Variants in OPCML observed in about 807,000 individuals in gnomAD.
OPCML encodes opioid-binding protein/cell adhesion molecule.
Under a neutral mutation model 37.8 loss-of-function variants are expected in OPCML, and 13 were observed. That is an observed-to-expected ratio of 0.34 (90% CI 0.22 to 0.55). The LOEUF (loss-of-function observed/expected upper bound fraction) is 0.55, where lower values mean the gene tolerates loss of function less well. Ranked by LOEUF, OPCML falls within the 20% of genes least tolerant of loss-of-function variation. The probability of loss-of-function intolerance (pLI) is 0.91; values close to 1 mark genes in which losing one functional copy is unlikely to be tolerated. For missense variants in OPCML, 341 were observed against 435.6 expected (o/e 0.78, Z 1.93); for synonymous variants, 176 against 168.8 (o/e 1.04, Z -0.33).
intron 1 of OPCML, among the ~76,000 whole-genome samples, chr11:132,982,315 A>G (rs143608404): frequency 1.2e-3 from 178 of 149,212 alleles, no homozygotes; most frequent in Non-Finnish European, 1.7e-3. Context: ...CTCTCCTTTG[A>G]ACACCTCTAC....
intron 1 of OPCML, among the ~76,000 whole-genome samples, chr11:133,260,739 C>T (rs1384908933): frequency 1.3e-5 from 2 of 152,166 alleles, no homozygotes; most frequent in Non-Finnish European, 2.9e-5. Flanking sequence ...ACAGAAATTT[C>T]AGCCTGAGCT....
intron 2 of OPCML, among the ~76,000 whole-genome samples, chr11:132,718,975 G>C (rs1488616814): frequency 6.6e-6 from 1 of 152,180 alleles, no homozygotes; most frequent in Admixed American, 6.5e-5. Context: ...ATGGCTTTAC[G>C]GTCAATCGTG....
At chr11:132,961,890 G>C (rs1038758626) in intron 1 of OPCML, among the ~76,000 whole-genome samples, 2 of 152,180 alleles carry the variant, frequency 1.3e-5, no homozygotes, top group Admixed American at 6.5e-5. Flanking sequence ...CTAAGGTCAG[G>C]CTCAGAAATT....
chr11:133,214,969 A>C (rs1592111631), intron 1 of OPCML, among the ~76,000 whole-genome samples: 1 of 152,294 alleles, frequency 6.6e-6, no homozygotes, highest in East Asian at 1.9e-4. Context: ...CAGAAACTCA[A>C]ACTTCTATGA....
intron 1 of OPCML, among the ~76,000 whole-genome samples, chr11:133,350,913 T>C (rs1944122051): frequency 6.6e-6 from 1 of 152,234 alleles, no homozygotes; most frequent in South Asian, 2.1e-4. Context: ...GTATAAGGCA[T>C]AGAGAGTTGG....
At chr11:133,476,762 G>A (rs188885984) in intron 1 of OPCML, among the ~76,000 whole-genome samples, 3 of 152,302 alleles carry the variant, frequency 2.0e-5, no homozygotes, top group Admixed American at 1.3e-4. Flanking sequence ...GCAGTGAGAA[G>A]CACCCCGGAG....
intron 1 of OPCML, among the ~76,000 whole-genome samples, chr11:133,064,478 G>A (rs1185664578): frequency 6.6e-6 from 1 of 152,212 alleles, no homozygotes; most frequent in Non-Finnish European, 1.5e-5. Context: ...AATGGGAGAA[G>A]GGACGGCCAG....
intron 1 of OPCML, among the ~76,000 whole-genome samples, chr11:133,105,584 G>T (rs189287484): frequency 3.9e-5 from 6 of 152,280 alleles, no homozygotes; most frequent in African/African-American, 1.4e-4. Flanking sequence ...CATTCAGAAT[G>T]AAAGTATTAA....
intron 2 of OPCML, among the ~76,000 whole-genome samples, chr11:132,813,632 G>T (rs1263276993): frequency 6.6e-6 from 1 of 152,130 alleles, no homozygotes; most frequent in Non-Finnish European, 1.5e-5. Flanking sequence ...GCAGCACTGT[G>T]CATCCCCAGC....
At chr11:133,464,052 G>T (rs2136991740) in intron 1 of OPCML, among the ~76,000 whole-genome samples, 1 of 145,942 alleles carries the variant, frequency 6.9e-6, no homozygotes, top group Non-Finnish European at 1.5e-5. Context: ...TTTATCTGTT[G>T]GGAATATAGA....
intron 1 of OPCML, among the ~76,000 whole-genome samples, chr11:133,508,671 A>G (rs1948090800): frequency 6.6e-6 from 1 of 152,202 alleles, no homozygotes; most frequent in South Asian, 2.1e-4. Flanking sequence ...GAAGAATGCA[A>G]GTAATTGTGA....
At position 133,502,378 on chromosome 11, in the gene OPCML, A is replaced by G. The variant is rs1947935657; in HGVS notation, c.61+29886T>C. On this transcript the variant is annotated intron_variant, in intron 1 of 7. Coordinates refer to ENST00000524381, the MANE Select transcript of OPCML (RefSeq NM_001012393.5). ...TGGCCGAGGCAGGGTGACGCAGTCC[A>G]TGCTGTTCTCGTACACCCCAGCGTC... 2.0e-5 allele frequency among the ~76,000 whole-genome samples: 3 copies of G among 152,184 alleles called. No homozygotes were observed. In the South Asian group the frequency reaches 6.2e-4, roughly 31 times the overall value.
chr11:133,377,296 G>A (rs1243269770), intron 1 of OPCML, among the ~76,000 whole-genome samples: 7 of 152,136 alleles, frequency 4.6e-5, no homozygotes, highest in African/African-American at 1.4e-4. Context: ...GGGTTCACCT[G>A]GGCTGATGGT....
intron 1 of OPCML, among the ~76,000 whole-genome samples, chr11:133,526,315 G>C (rs1948490460): frequency 6.6e-6 from 1 of 152,194 alleles, no homozygotes; most frequent in Non-Finnish European, 1.5e-5. Context: ...TGGGAGTTCT[G>C]GAAAGGCAGA....
At chr11:133,267,390 TC>T (rs1941693218) in intron 1 of OPCML, among the ~76,000 whole-genome samples, 1 of 152,226 alleles carries the variant, frequency 6.6e-6, no homozygotes, top group Non-Finnish European at 1.5e-5. Flanking sequence ...TTCTGATCAC[TC>T]CGAGCCTCAG....
At chr11:133,379,305 G>T (rs919914110) in intron 1 of OPCML, among the ~76,000 whole-genome samples, 5 of 152,096 alleles carry the variant, frequency 3.3e-5, no homozygotes. Context: ...GGATGCTCTG[G>T]TCTTCTACAC....
intron 2 of OPCML, among the ~76,000 whole-genome samples, chr11:132,902,242 T>C (rs949667510): frequency 1.4e-4 from 21 of 152,306 alleles, no homozygotes; most frequent in Non-Finnish European, 2.6e-4. Context: ...GGGTGCTGAA[T>C]TCACACAAGA....
chr11:132,758,177 G>T (rs1398644835), intron 2 of OPCML, among the ~76,000 whole-genome samples: 1 of 152,030 alleles, frequency 6.6e-6, no homozygotes, highest in Non-Finnish European at 1.5e-5. Context: ...CTGTTTTGGT[G>T]CCAGTACCAT....
chr11:132,967,579 T>G (rs1946243086), intron 1 of OPCML, among the ~76,000 whole-genome samples: 1 of 152,162 alleles, frequency 6.6e-6, no homozygotes, highest in Non-Finnish European at 1.5e-5. Context: ...CTGTTGTTAT[T>G]GTCAGATAAA....
Sources: allele counts gnomAD v4.1 joint callset (sites outside exome capture counted in the v4.1 genomes callset), GRCh38; gene constraint gnomAD v4.1.1; transcripts MANE v1.5; gene names NCBI Gene and HGNC (gene_info 2026-07-23, HGNC 2026-07-21).